KLF12: variants seen among roughly 807,000 people sequenced by gnomAD.
The protein encoded by KLF12 is KLF transcription factor 12, also known as Krueppel-like factor 12.
In KLF12, 9 loss-of-function variants were observed where a neutral mutation model predicts 37.8. That is an observed-to-expected ratio of 0.24 (90% confidence interval 0.14 to 0.42). KLF12 has a LOEUF of 0.42. KLF12 is among the 10% of genes least tolerant of loss of function. The pLI, the probability that KLF12 is intolerant of heterozygous loss-of-function variation, is 1.00. For synonymous variants in KLF12, 208 were observed against 202.1 expected (o/e 1.03, Z -0.25); for missense variants, 411 against 516.0 (o/e 0.80, Z 1.97).
chr13:74,065,333 A>G (rs76888409), intron 1 of KLF12, among the ~76,000 whole-genome samples: 1,855 of 152,282 alleles, frequency 0.012, 32 homozygotes, highest in African/African-American at 0.042. Context: ...TCATGGTCAT[A>G]TTCAAAACAC....
At chr13:73,972,868 A>G (rs9573335) in intron 2 of KLF12, among the ~76,000 whole-genome samples, 2 of 151,872 alleles carry the variant, frequency 1.3e-5, no homozygotes, top group East Asian at 3.9e-4. Flanking sequence ...AGAAAAATAC[A>G]ATAAAGAACA....
At chr13:74,133,567 C>G (rs1014059644) in intron 1 of KLF12, among the ~76,000 whole-genome samples, 27 of 152,082 alleles carry the variant, frequency 1.8e-4, no homozygotes, top group East Asian at 5.8e-4. Flanking sequence ...CTCCCGCTTC[C>G]CAGCACTTTC....
chr13:73,771,644 G>A (rs1880280454), intron 5 of KLF12, among the ~76,000 whole-genome samples: 2 of 152,214 alleles, frequency 1.3e-5, no homozygotes, highest in African/African-American at 4.8e-5. Flanking sequence ...GTTACTATAT[G>A]CGAGGTCTTG....
At chr13:74,260,146 A>G in the KLF12 span, among the ~76,000 whole-genome samples, 1 of 152,180 alleles carries the variant, frequency 6.6e-6, no homozygotes, top group East Asian at 1.9e-4. Flanking sequence ...ACTCACACAC[A>G]CACATGCACA....
intron 4 of KLF12, among the ~76,000 whole-genome samples, chr13:73,833,522 G>A (rs1039972486): frequency 6.6e-6 from 1 of 152,186 alleles, no homozygotes; most frequent in Non-Finnish European, 1.5e-5. Flanking sequence ...GCACTTAAGA[G>A]TGTTTATTGT....
rs80190364 is a variant in KLF12 at position 74,087,872 on chromosome 13, C to T, written c.-32+45867G>A. Among the ~76,000 whole-genome samples the T allele has an allele frequency of 6.6e-5, 10 of 151,980 alleles. No homozygotes were observed. In the East Asian group the frequency reaches 1.7e-3, roughly 26 times the overall value. On this transcript the variant is annotated intron_variant, in intron 1 of 7. Coordinates refer to ENST00000377669, the MANE Select transcript of KLF12 (RefSeq NM_007249.5). The stretch of plus-strand genomic sequence containing the variant: ...AGCCAGAACTGGGCTATCAAAGAAG[C>T]CCAACTGATGTACACACAGTTAATA...
At chr13:73,876,901 G>C (rs1013517867) in intron 3 of KLF12, among the ~76,000 whole-genome samples, 2 of 151,798 alleles carry the variant, frequency 1.3e-5, no homozygotes, top group Non-Finnish European at 2.9e-5. Flanking sequence ...TGTAATCCCA[G>C]CTACTCGGGA....
chr13:74,292,981 C>G, the KLF12 span, among the ~76,000 whole-genome samples: 4 of 152,172 alleles, frequency 2.6e-5, no homozygotes, highest in Non-Finnish European at 5.9e-5. Flanking sequence ...TTGATGAAGA[C>G]AGCAATAGGA....
the KLF12 span, among the ~76,000 whole-genome samples, chr13:74,186,546 C>G: frequency 6.6e-6 from 1 of 151,698 alleles, no homozygotes; most frequent in Non-Finnish European, 1.5e-5. Context: ...CCAAAAGTAT[C>G]CTAAGGTTTA....
At chr13:74,214,521 G>A in the KLF12 span, among the ~76,000 whole-genome samples, 31 of 152,222 alleles carry the variant, frequency 2.0e-4, 2 homozygotes, top group Admixed American at 1.5e-3. Flanking sequence ...TTGATTGATC[G>A]TTTGGTTGGG....
At chr13:74,144,994 C>A in the KLF12 span, among the ~76,000 whole-genome samples, 1 of 152,032 alleles carries the variant, frequency 6.6e-6, no homozygotes, top group Non-Finnish European at 1.5e-5. Flanking sequence ...AAGTGTACAT[C>A]GTATTTATTA....
At chr13:73,720,102 G>A (rs1250835599) in intron 6 of KLF12, among the ~76,000 whole-genome samples, 1 of 152,082 alleles carries the variant, frequency 6.6e-6, no homozygotes, top group Non-Finnish European at 1.5e-5. Context: ...AATAACAAAA[G>A]TCTTTCTTTT....
At chr13:73,926,906 A>G (rs1889410175) in intron 3 of KLF12, among the ~76,000 whole-genome samples, 1 of 150,766 alleles carries the variant, frequency 6.6e-6, no homozygotes, top group African/African-American at 2.4e-5. Flanking sequence ...TGAGAACATG[A>G]CAGAACAGCA....
intron 5 of KLF12, among the ~76,000 whole-genome samples, chr13:73,806,116 C>CTTT (rs372137417): frequency 3.6e-5 from 5 of 139,122 alleles, no homozygotes; most frequent in African/African-American, 1.1e-4. Context: ...TTTTTTCTTT[C>CTTT]TTTTTTTTTT....
the KLF12 span, among the ~76,000 whole-genome samples, chr13:74,267,022 A>G: frequency 1.3e-5 from 2 of 152,172 alleles, no homozygotes; most frequent in Non-Finnish European, 2.9e-5. Flanking sequence ...CTTAAGGTTC[A>G]GGATAGATGA....
intron 2 of KLF12, among the ~76,000 whole-genome samples, chr13:73,973,130 A>G (rs998681756): frequency 3.9e-5 from 6 of 152,192 alleles, no homozygotes; most frequent in Non-Finnish European, 8.8e-5. Context: ...GCCCCAGGAA[A>G]TGCATAAAAT....
At position 74,107,692 on chromosome 13, in the gene KLF12, C is replaced by A. The variant is rs562407379; in HGVS notation, c.-32+26047G>T. On this transcript the variant is annotated intron_variant, in intron 1 of 7. Coordinates refer to ENST00000377669, the MANE Select transcript of KLF12 (RefSeq NM_007249.5). ...TTGAAATAAAAGGCAGAGAAATAAACCACATAGCAGAAAGTAAAAATCAGG... is the reference window on the plus strand; with the variant it reads ...TTGAAATAAAAGGCAGAGAAATAAAACACATAGCAGAAAGTAAAAATCAGG... Among the ~76,000 whole-genome samples, 4 of 152,214 alleles carry A rather than the reference C, an allele frequency of 2.6e-5. No individual in the cohort carries two copies. The South Asian group carries it at 8.3e-4, about 32-fold the overall frequency.
chr13:73,833,281 G>A (rs988637265), intron 4 of KLF12, among the ~76,000 whole-genome samples: 1 of 152,164 alleles, frequency 6.6e-6, no homozygotes, highest in African/African-American at 2.4e-5. Flanking sequence ...TATTAAGACT[G>A]TTTGGAAGCC....
intron 1 of KLF12, among the ~76,000 whole-genome samples, chr13:74,008,356 C>T (rs1463208426): frequency 6.6e-6 from 1 of 152,098 alleles, no homozygotes; most frequent in Non-Finnish European, 1.5e-5. Flanking sequence ...TTGGAGGAGG[C>T]CAAGCAACTG....
Sources: allele counts gnomAD v4.1 joint callset (sites outside exome capture counted in the v4.1 genomes callset), GRCh38; gene constraint gnomAD v4.1.1; transcripts MANE v1.5; gene names NCBI Gene and HGNC (gene_info 2026-07-23, HGNC 2026-07-21).